The following VIT variants were observed in gnomAD, a reference collection of about 807,000 sequenced individuals.
VIT encodes vitrin.
Under a neutral mutation model 78.0 loss-of-function variants are expected in VIT, and 99 were observed. That is an observed-to-expected ratio of 1.27 (90% CI 1.08 to 1.50). VIT has a LOEUF of 1.50. VIT is among the 40% of genes most tolerant of loss of function. The pLI is 0.00. For synonymous variants in VIT, 374 were observed against 334.3 expected (o/e 1.12, Z -1.29); for missense variants, 1,126 against 875.3 (o/e 1.29, Z -3.61).
At chr2:36,790,248 G>A (rs1228492632) in intron 12 of VIT, among the ~76,000 whole-genome samples, 3 of 152,156 alleles carry the variant, frequency 2.0e-5, no homozygotes, top group South Asian at 4.1e-4. Flanking sequence ...TTCGTGGAAA[G>A]GAAAGTGTTC....
chr2:36,715,230 G>A (rs1014640578), intron 1 of VIT, among the ~76,000 whole-genome samples: 5 of 152,118 alleles, frequency 3.3e-5, no homozygotes, highest in Non-Finnish European at 5.9e-5. Context: ...CCCAGGTGAT[G>A]AGTAAACACA....
chr2:36,738,051 T>C (rs1007728504), intron 3 of VIT, among the ~76,000 whole-genome samples: 8 of 152,232 alleles, frequency 5.3e-5, no homozygotes, highest in Non-Finnish European at 1.2e-4. Flanking sequence ...CTAGAAGAGT[T>C]ACTTTGCAGG....
rs770465708 is a variant in VIT at position 36,773,765 on chromosome 2, C to A, written c.680-26C>A. ...ATTAATTAATTAAATAAAATTCATG[C>A]TCTGACCAGTCAAATGTCCTTACAG... is the stretch of plus-strand genomic sequence containing the variant. On this transcript the variant is annotated intron_variant, in intron 7 of 15. Coordinates refer to ENST00000379242, the MANE Select transcript of VIT (RefSeq NM_053276.4). The A allele has an allele frequency of 3.9e-6, 6 of 1,549,748 alleles. No individual in the cohort carries two copies. In the South Asian group the frequency reaches 6.6e-5, roughly 17 times the overall value.
chr2:36,755,938 C>CTA (rs1668733659), intron 5 of VIT, among the ~76,000 whole-genome samples: 1 of 145,224 alleles, frequency 6.9e-6, no homozygotes, highest in Non-Finnish European at 1.5e-5. Flanking sequence ...CACGGTAGTG[C>CTA]TTGAGGACAA....
At chr2:36,739,349 C>T (rs867167668) in intron 3 of VIT, among the ~76,000 whole-genome samples, 32 of 152,300 alleles carry the variant, frequency 2.1e-4, no homozygotes, top group Middle Eastern at 6.8e-3. Flanking sequence ...ACTACATAAT[C>T]GGCTTGCTGT....
chr2:36,757,561 G>A lies in VIT; in HGVS notation c.410-1408G>A, dbSNP rs1668844629. ...CCCACAGCCATGGGGCCCTCTCTGG[G>A]CCTAAAATAACCTCAGTCATTGTCA... On this transcript the variant is annotated intron_variant, in intron 5 of 15. Transcript: ENST00000379242. Among the ~76,000 whole-genome samples the A allele has an allele frequency of 2.0e-5, 3 of 152,220 alleles. No homozygotes were observed. The South Asian group carries it at 6.2e-4, about 32-fold the overall frequency.
intron 15 of VIT, among the ~76,000 whole-genome samples, chr2:36,810,107 C>A (rs1000058029): frequency 6.6e-6 from 1 of 151,594 alleles, no homozygotes; most frequent in African/African-American, 2.4e-5. Flanking sequence ...GCCTGACCAA[C>A]ATGCAGAAAC....
chr2:36,806,194 G>T (rs1666714642), intron 14 of VIT, among the ~76,000 whole-genome samples: 1 of 152,144 alleles, frequency 6.6e-6, no homozygotes, highest in Non-Finnish European at 1.5e-5. Context: ...CTCCACCAAA[G>T]CTGTTCCCTT....
At chr2:36,801,458 C>A in intron 13 of VIT, 54 bp downstream of exon 13, 1 of 1,428,480 alleles carries the variant, frequency 7.0e-7, no homozygotes, top group Non-Finnish European at 9.8e-7. Context: ...TCTCTTTCTA[C>A]GTGATTGTCT....
chr2:36,761,612 T>A (rs1221510297), intron 6 of VIT, among the ~76,000 whole-genome samples: 2 of 151,968 alleles, frequency 1.3e-5, no homozygotes, highest in African/African-American at 4.8e-5. Flanking sequence ...TGGTGACACG[T>A]GCCTGTAGTC....
At chr2:36,778,797 C>A (rs1053469992) in intron 9 of VIT, among the ~76,000 whole-genome samples, 3 of 152,142 alleles carry the variant, frequency 2.0e-5, no homozygotes, top group African/African-American at 7.2e-5. Flanking sequence ...GCCCTTGGGA[C>A]ATGAAGCCAG....
chr2:36,722,129 T>C (rs1006858438), intron 2 of VIT, among the ~76,000 whole-genome samples: 1 of 152,248 alleles, frequency 6.6e-6, no homozygotes, highest in Non-Finnish European at 1.5e-5. Flanking sequence ...TTAATGTGTT[T>C]AATTAATATA....
chr2:36,782,389 T>A (rs1294167811), intron 10 of VIT, among the ~76,000 whole-genome samples: 1 of 152,124 alleles, frequency 6.6e-6, no homozygotes, highest in Non-Finnish European at 1.5e-5. Flanking sequence ...TGTGAGGAAG[T>A]GGGATGAGCT....
chr2:36,708,380 C>A (rs1048035506), intron 1 of VIT, among the ~76,000 whole-genome samples: 1 of 152,258 alleles, frequency 6.6e-6, no homozygotes, highest in Non-Finnish European at 1.5e-5. Flanking sequence ...GGGTGCTCCC[C>A]GATGTAGCAT....
rs746785216 is a variant in VIT at position 36,787,186 on chromosome 2, G to A, written c.968G>A (p.Arg323Gln). 9.9e-6 allele frequency: 16 copies of A among 1,614,080 alleles called. No individual in the cohort carries two copies. Among genetic ancestry groups the A allele is most frequent in the African/African-American group, 9.3e-5 (7 of 74,926 alleles). ...GGGAGCACCAGCATTGGCAAACGGC[G>A]ATTCCGAATCCAGAAGCAGCTCCTG... ...IDGSTSIGKR[R>Q]FRIQKQLLAD... Residue 323 changes from arginine to glutamine, a missense_variant, in exon 12 of 16, where the codon CGA becomes CAA. Physicochemically the swap from Arg to Gln is conservative, Grantham distance 43. Transcript: ENST00000379242.
Position 36,808,727 on chromosome 2 carries a change from A to G in VIT, c.1645A>G (p.Ile549Val), listed in dbSNP as rs1241128079. The G allele has an allele frequency of 1.9e-6, 3 of 1,614,228 alleles. No homozygotes were observed. The highest frequency in any genetic ancestry group is 2.5e-6 in the Non-Finnish European group (3 of 1,180,046). ...TGAGATTTCCGACACGGACACGCGC[A>G]TCGGGGCCGTGCAGTACACCTACGA... ...EFEISDTDTR[I>V]GAVQYTYEQR... Residue 549 changes from isoleucine to valine, a missense_variant, in exon 15 of 16, where the codon ATC becomes GTC. Coordinates refer to ENST00000379242, the MANE Select transcript of VIT (RefSeq NM_053276.4).
chr2:36,800,659 C>T (rs536507934), intron 12 of VIT, among the ~76,000 whole-genome samples: 5 of 152,302 alleles, frequency 3.3e-5, no homozygotes, highest in Admixed American at 1.3e-4. Context: ...TCCACTCCGC[C>T]GCTTCGTGGG....
At chr2:36,762,230 G>A (rs1669167705) in intron 6 of VIT, among the ~76,000 whole-genome samples, 1 of 152,202 alleles carries the variant, frequency 6.6e-6, no homozygotes, top group Non-Finnish European at 1.5e-5. Context: ...AGCCAAGGGT[G>A]CTTTTCGTGA....
In VIT at chr2:36,729,464, G is replaced by A. The variant is rs1400878385; in HGVS notation, c.91G>A (p.Ala31Thr). The A allele has an allele frequency of 6.2e-7, 1 of 1,608,788 alleles. No individual in the cohort carries two copies. Among genetic ancestry groups the A allele is most frequent in the Non-Finnish European group, 8.5e-7 (1 of 1,177,828 alleles). The change falls in exon 3 of 16, where the codon GCA becomes ACA. Residue 31 changes from alanine to threonine, a missense_variant. Ala to Thr is a moderately conservative substitution (Grantham distance 58). Transcript: ENST00000379242. Reference protein sequence around the residue: ...VTGVHSNKETAKKIKRPKFTV... With the variant: ...VTGVHSNKETTKKIKRPKFTV... The stretch of plus-strand genomic sequence containing the variant: ...TGGAGTACATTCAAACAAAGAAACG[G>A]CAAAGAAGATTAAAAGGCCCAAGTT...
Sources: allele counts gnomAD v4.1 joint callset (sites outside exome capture counted in the v4.1 genomes callset), GRCh38; gene constraint gnomAD v4.1.1; transcripts MANE v1.5; gene names NCBI Gene and HGNC (gene_info 2026-07-23, HGNC 2026-07-21).